Variants in AHCYL1 observed in about 807,000 individuals in gnomAD.
AHCYL1 encodes adenosylhomocysteinase like 1.
AHCYL1 carries 20 observed loss-of-function variants against 79.3 expected under a neutral mutation model. The ratio of observed to expected loss-of-function variants is 0.25; its 90% CI spans 0.18 to 0.37. The LOEUF (loss-of-function observed/expected upper bound fraction) is 0.37, where lower values mean the gene tolerates loss of function less well. AHCYL1 is among the 10% of genes least tolerant of loss of function. AHCYL1 has a pLI of 1.00. For missense variants in AHCYL1, 330 were observed against 673.6 expected (o/e 0.49, Z 5.65); for synonymous variants, 223 against 242.2 (o/e 0.92, Z 0.74).
chr1:109,991,006 C>A (rs1359322295), intron 1 of AHCYL1, among the ~76,000 whole-genome samples: 2 of 151,396 alleles, frequency 1.3e-5, no homozygotes, highest in African/African-American at 4.9e-5. Flanking sequence ...TGATTTTCTC[C>A]TGTAGAAATG....
intron 1 of AHCYL1, among the ~76,000 whole-genome samples, chr1:110,003,703 G>A (rs1570865116): frequency 1.3e-5 from 2 of 152,224 alleles, no homozygotes; most frequent in East Asian, 3.9e-4. Context: ...GAGAAAAGAA[G>A]TATGGACAGG....
At chr1:110,010,709 T>C (rs1650970875) in intron 2 of AHCYL1, among the ~76,000 whole-genome samples, 1 of 152,246 alleles carries the variant, frequency 6.6e-6, no homozygotes, top group Non-Finnish European at 1.5e-5. Flanking sequence ...TTGTTGGAAC[T>C]ACTAATGCTT....
At chr1:109,991,798 G>T (rs1649771087) in intron 1 of AHCYL1, among the ~76,000 whole-genome samples, 1 of 152,186 alleles carries the variant, frequency 6.6e-6, no homozygotes, top group African/African-American at 2.4e-5. Flanking sequence ...GAGGAGATGA[G>T]TATAACCATC....
chr1:110,011,994 G>T (rs1013963672), intron 3 of AHCYL1, among the ~76,000 whole-genome samples: 85 of 152,302 alleles, frequency 5.6e-4, no homozygotes, highest in African/African-American at 2.0e-3. Context: ...TTCGGCTGAG[G>T]GTACAGTCTT....
chr1:110,021,657 A>G lies in AHCYL1; in HGVS notation c.1587-17A>G. On this transcript the variant is annotated splice_polypyrimidine_tract_variant and intron_variant, in intron 16 of 16. Coordinates refer to ENST00000369799, the MANE Select transcript of AHCYL1 (RefSeq NM_006621.7). ...TGGAAGACATAAGTGTTAACCAATCACTCTCTCTCTTTACAGATACTAATG... is the reference window on the plus strand; with the variant it reads ...TGGAAGACATAAGTGTTAACCAATCGCTCTCTCTCTTTACAGATACTAATG... The G allele has an allele frequency of 1.2e-6, 2 of 1,610,896 alleles. No homozygotes were observed.
At chr1:110,018,084 A>C in intron 11 of AHCYL1, 68 bp downstream of exon 11, 4 of 1,530,770 alleles carry the variant, frequency 2.6e-6, no homozygotes, top group Non-Finnish European at 3.6e-6. Flanking sequence ...AGTGACTTTC[A>C]TACAAAGGAG....
intron 1 of AHCYL1, among the ~76,000 whole-genome samples, chr1:110,002,320 G>A (rs1016855162): frequency 2.6e-5 from 4 of 152,208 alleles, no homozygotes; most frequent in South Asian, 2.1e-4. Flanking sequence ...AGAACAAGGT[G>A]AGCCTGGTAT....
At chr1:109,997,561 C>T (rs994261228) in intron 1 of AHCYL1, among the ~76,000 whole-genome samples, 4 of 152,172 alleles carry the variant, frequency 2.6e-5, no homozygotes, top group Admixed American at 6.6e-5. Context: ...AAAAGCGGGA[C>T]GGCAGATAAG....
chr1:110,004,412 C>G (rs1159541372), intron 1 of AHCYL1: 18 of 985,354 alleles, frequency 1.8e-5, no homozygotes, highest in Non-Finnish European at 2.2e-5. Flanking sequence ...GGATTCAACT[C>G]TGGCCTGAGA....
chr1:110,003,021 G>T (rs1463482614), intron 1 of AHCYL1, among the ~76,000 whole-genome samples: 1 of 152,018 alleles, frequency 6.6e-6, no homozygotes, highest in African/African-American at 2.4e-5. Flanking sequence ...GACTGTTCTA[G>T]ATTAGCAGAG....
intron 1 of AHCYL1, among the ~76,000 whole-genome samples, chr1:109,999,671 G>A (rs2101706346): frequency 6.6e-6 from 1 of 151,238 alleles, no homozygotes; most frequent in East Asian, 1.9e-4. Context: ...TCAGAAAGGT[G>A]GTACCAGAAA....
chr1:110,020,816 C>T lies in AHCYL1; in HGVS notation c.1551C>T (p.Leu517=), dbSNP rs778058508. 1 of 1,612,912 alleles carries T rather than the reference C, an allele frequency of 6.2e-7. No homozygotes were observed. The highest frequency in any genetic ancestry group is 8.5e-7 in the Non-Finnish European group (1 of 1,179,572). Residue 517 remains leucine, a synonymous_variant, in exon 16 of 17, where the codon CTC becomes CTT. Transcript: ENST00000369799. ...LTDDQAKYLG[L]NKNGPFKPNY... is the part of the protein sequence containing the mutation. ...ATGACCAAGCAAAATATCTGGGACT[C>T]AACAAAAATGGGCCATTCAAACCTA...
chr1:109,992,408 C>CAAAA (rs57891226), intron 1 of AHCYL1, among the ~76,000 whole-genome samples: 1 of 72,762 alleles, frequency 1.4e-5, no homozygotes. Context: ...GACTCCGTCT[C>CAAAA]AAAAAAAAAA....
chr1:110,015,970 C>T (rs1230652948), intron 7 of AHCYL1, among the ~76,000 whole-genome samples: 3 of 151,934 alleles, frequency 2.0e-5, no homozygotes, highest in Non-Finnish European at 2.9e-5. Context: ...GGGCACATTG[C>T]GCATGCTTAC....
At chr1:110,017,750 T>G (rs1651515106) in intron 10 of AHCYL1, among the ~76,000 whole-genome samples, 167 bp downstream of exon 10, 1 of 152,218 alleles carries the variant, frequency 6.6e-6, no homozygotes, top group South Asian at 2.1e-4. Context: ...GAGAGCCTCT[T>G]GGCATTTTTC....
rs1227305024 is a variant in AHCYL1, at chr1:110,022,481, G to A, written c.*801G>A. 1 of 152,526 alleles carries A rather than the reference G, an allele frequency of 6.6e-6. No individual in the cohort carries two copies. Among genetic ancestry groups the A allele is most frequent in the African/African-American group, 2.4e-5 (1 of 41,424 alleles). 9.4% of individuals were successfully genotyped at this position (152,526 alleles called of 1,614,324 possible). On this transcript the variant is annotated 3_prime_UTR_variant, in exon 17 of 17. Coordinates refer to ENST00000369799, the MANE Select transcript of AHCYL1 (RefSeq NM_006621.7). ...CCAATTTCTCTTTTGAACCTTTGGAGCTAAGGATGCTGAGTCTAGAGAAAT... is the reference window on the plus strand; with the variant it reads ...CCAATTTCTCTTTTGAACCTTTGGAACTAAGGATGCTGAGTCTAGAGAAAT...
chr1:110,011,803 C>T (rs1052041019), intron 3 of AHCYL1, among the ~76,000 whole-genome samples: 1 of 152,316 alleles, frequency 6.6e-6, no homozygotes, highest in East Asian at 1.9e-4. Flanking sequence ...TCTGCTGGAG[C>T]AGAGTAAAAG....
chr1:109,989,773 A>T (rs1005598960), intron 1 of AHCYL1, among the ~76,000 whole-genome samples: 9 of 152,208 alleles, frequency 5.9e-5, no homozygotes, highest in Non-Finnish European at 2.9e-5. Context: ...GTCAACCCTG[A>T]TTATACTGGA....
intron 7 of AHCYL1, 40 bp downstream of exon 7, chr1:110,015,571 T>G (rs1651363772): frequency 6.6e-7 from 1 of 1,521,532 alleles, no homozygotes; most frequent in African/African-American, 1.4e-5. Context: ...TGTCCTTGCC[T>G]CAGCAAACTC....
Sources: allele counts gnomAD v4.1 joint callset (sites outside exome capture counted in the v4.1 genomes callset), GRCh38; gene constraint gnomAD v4.1.1; transcripts MANE v1.5; gene names NCBI Gene and HGNC (gene_info 2026-07-23, HGNC 2026-07-21).